SFT2D2: variants seen among roughly 807,000 people sequenced by gnomAD.
SFT2D2 encodes vesicle transport protein SFT2B.
A neutral mutation model predicts 27.4 loss-of-function variants in SFT2D2; 21 were observed. The observed-to-expected ratio is 0.77, with a 90% confidence interval of 0.54 to 1.10. SFT2D2 has a LOEUF of 1.10. Ranked by LOEUF, SFT2D2 falls within the 50% of genes least tolerant of loss-of-function variation. The pLI is 0.00. For missense variants in SFT2D2, 187 were observed against 194.2 expected (o/e 0.96, Z 0.22); for synonymous variants, 72 against 71.7 (o/e 1.00, Z -0.02).
At chr1:168,227,491 C>T (rs1360496108) in intron 1 of SFT2D2, among the ~76,000 whole-genome samples, 2 of 152,188 alleles carry the variant, frequency 1.3e-5, no homozygotes, top group Non-Finnish European at 2.9e-5. Flanking sequence ...TGAATCTTCA[C>T]CTTGAGGGAG....
At chr1:168,238,512 C>CAA in intron 6 of SFT2D2, among the ~76,000 whole-genome samples, 1 of 149,766 alleles carries the variant, frequency 6.7e-6, no homozygotes, top group Admixed American at 6.7e-5. Flanking sequence ...AACAAACAAA[C>CAA]AAAAAAAAAC....
At position 168,242,625 on chromosome 1, in the gene SFT2D2, C is replaced by A; in HGVS notation, c.*85C>A. The A allele has an allele frequency of 1.3e-6, 2 of 1,492,614 alleles. No homozygotes were observed. The highest frequency in any genetic ancestry group is 1.1e-5 in the South Asian group (1 of 88,526). The allele number at this position is 1,492,614 out of a possible 1,614,324, so 92.5% of individuals were successfully genotyped here. A position where few individuals can be genotyped will look rare whatever the true frequency, so the allele number is the denominator to read the frequency against. On this transcript the variant is annotated 3_prime_UTR_variant, in exon 8 of 8. Transcript: ENST00000271375. ...TTGTAACTATCTTCGAAACCTCTGT[C>A]TTACAGACATGTGCCTTTTATCTTG...
chr1:168,229,127 A>G (rs16860204), intron 1 of SFT2D2, among the ~76,000 whole-genome samples: 2 of 152,070 alleles, frequency 1.3e-5, no homozygotes, highest in Non-Finnish European at 1.5e-5. Flanking sequence ...AGACTTGGAT[A>G]TGGAGTGTCA....
intron 7 of SFT2D2, 74 bp downstream of exon 7, chr1:168,239,234 TTTTA>T (rs1647583875): frequency 8.7e-7 from 1 of 1,148,276 alleles, no homozygotes; most frequent in African/African-American, 1.5e-5. Context: ...GTATAGCCTA[TTTTA>T]TTTATCTTTA....
chr1:168,237,771 G>A (rs953484239), intron 6 of SFT2D2, among the ~76,000 whole-genome samples: 1 of 151,858 alleles, frequency 6.6e-6, no homozygotes, highest in Non-Finnish European at 1.5e-5. Flanking sequence ...AATTTACTGT[G>A]TTGACAAGTA....
Position 168,246,488 on chromosome 1 carries a change from G to A in SFT2D2, c.*3948G>A. 7.0e-7 allele frequency: 1 copy of A among 1,419,260 alleles called. No individual in the cohort carries two copies. The highest frequency in any genetic ancestry group is 9.5e-7 in the Non-Finnish European group (1 of 1,048,192). 87.9% of individuals were successfully genotyped at this position (1,419,260 alleles called of 1,614,324 possible). Reference sequence around the variant, plus strand: ...TCAAAAACCAAAGCGTTTTCTTTCAGAGCCTCTCTTGTGTTATGGAGCTCA... The same window carrying A: ...TCAAAAACCAAAGCGTTTTCTTTCAAAGCCTCTCTTGTGTTATGGAGCTCA... On this transcript the variant is annotated 3_prime_UTR_variant, in exon 8 of 8. Transcript: ENST00000271375.
At chr1:168,226,486 G>A (rs367964253) in intron 1 of SFT2D2, among the ~76,000 whole-genome samples, 3 of 152,178 alleles carry the variant, frequency 2.0e-5, no homozygotes, top group East Asian at 1.9e-4. Context: ...GTAGGGCTGG[G>A]GGCCCCGAGG....
chr1:168,230,672 G>A (rs531332584), intron 1 of SFT2D2, among the ~76,000 whole-genome samples: 4 of 152,148 alleles, frequency 2.6e-5, no homozygotes, highest in African/African-American at 9.6e-5. Context: ...ACAAGGTTTC[G>A]CCATGTTGGT....
At chr1:168,234,463 G>A (rs2102330140) in intron 3 of SFT2D2, among the ~76,000 whole-genome samples, 1 of 151,670 alleles carries the variant, frequency 6.6e-6, no homozygotes, top group Admixed American at 6.5e-5. Flanking sequence ...GAATCCAATA[G>A]CTATAGAGTC....
chr1:168,247,292 C>T lies in SFT2D2; in HGVS notation c.*4752C>T, dbSNP rs375918943. On this transcript the variant is annotated 3_prime_UTR_variant, in exon 8 of 8. Transcript: ENST00000271375. ...ATGTGCAGAACATGCGGGTTTGTTA[C>T]ATAGGTATACATGTAATGTTATCCC... 4.2e-6 allele frequency: 1 copy of T among 237,046 alleles called. No individual in the cohort carries two copies. The highest frequency in any genetic ancestry group is 1.3e-4 in the East Asian group (1 of 7,506). 14.7% of individuals were successfully genotyped at this position (237,046 alleles called of 1,614,324 possible).
In SFT2D2 at chr1:168,245,744, G is replaced by A. The variant is rs1419672389; in HGVS notation, c.*3204G>A. Reference sequence around the variant, plus strand: ...TACAGAGGATCCAGATTTAAATTCAGAAGAAGCTTCATCTATTTCTGTAGT... The same window carrying A: ...TACAGAGGATCCAGATTTAAATTCAAAAGAAGCTTCATCTATTTCTGTAGT... On this transcript the variant is annotated 3_prime_UTR_variant, in exon 8 of 8. Coordinates refer to ENST00000271375, the MANE Select transcript of SFT2D2 (RefSeq NM_199344.3). The A allele has an allele frequency of 6.6e-6, 1 of 152,588 alleles. No homozygotes were observed. The highest frequency in any genetic ancestry group is 1.5e-5 in the Non-Finnish European group (1 of 68,406). 9.5% of individuals were successfully genotyped at this position (152,588 alleles called of 1,614,324 possible). A position where few individuals can be genotyped will look rare whatever the true frequency, so the allele number is the denominator to read the frequency against.
Position 168,246,468 on chromosome 1 carries a change from A to G in SFT2D2, c.*3928A>G. On this transcript the variant is annotated 3_prime_UTR_variant, in exon 8 of 8. Transcript: ENST00000271375. ...TTAGCTCTCTTTGTATGTGTTCAAAAACCAAAGCGTTTTCTTTCAGAGCCT... is the reference window on the plus strand; with the variant it reads ...TTAGCTCTCTTTGTATGTGTTCAAAGACCAAAGCGTTTTCTTTCAGAGCCT... 3.7e-6 allele frequency: 5 copies of G among 1,355,140 alleles called. 1 individual carries two copies. The highest frequency in any genetic ancestry group is 2.6e-5 in the South Asian group (2 of 77,478). The allele number at this position is 1,355,140 out of a possible 1,614,324, so 83.9% of individuals were successfully genotyped here. A position where few individuals can be genotyped will look rare whatever the true frequency, so the allele number is the denominator to read the frequency against.
intron 4 of SFT2D2, among the ~76,000 whole-genome samples, chr1:168,236,197 AC>A (rs1647494204): frequency 1.3e-5 from 2 of 152,322 alleles, no homozygotes; most frequent in Admixed American, 6.5e-5. Flanking sequence ...TCTCAGGTTA[AC>A]CTTTGTCCTC....
At chr1:168,238,572 T>C (rs1647565418) in intron 6 of SFT2D2, among the ~76,000 whole-genome samples, 1 of 152,028 alleles carries the variant, frequency 6.6e-6, no homozygotes, top group Non-Finnish European at 1.5e-5. Flanking sequence ...TCCCAGCAAT[T>C]CTGGAGGCTG....
At chr1:168,238,994 C>G (rs180757927) in intron 6 of SFT2D2, 137 bp from the exon 7 acceptor site, 31 of 709,660 alleles carry the variant, frequency 4.4e-5, no homozygotes, top group African/African-American at 3.9e-4. Flanking sequence ...TGTGCACATG[C>G]TCATCCCCCA....
In SFT2D2 at chr1:168,231,537, C is replaced by T; in HGVS notation, c.87C>T (p.Ser29=). 2 of 1,613,628 alleles carry T rather than the reference C, an allele frequency of 1.2e-6. No homozygotes were observed. The highest frequency in any genetic ancestry group is 1.7e-6 in the Non-Finnish European group (2 of 1,179,924). The part of the protein sequence containing the change: ...LSEVVEASSL[S]WSTRIKGFIA... ...AGGTTGTTGAGGCATCTTCATTAAG[C>T]TGGAGTACCAGGATAAAAGGCTTCA... Residue 29 remains serine (S), a synonymous_variant, in exon 2 of 8, where the codon AGC becomes AGT. Coordinates refer to ENST00000271375, the MANE Select transcript of SFT2D2 (RefSeq NM_199344.3).
rs1209707831 is a variant in SFT2D2 at position 168,250,619 on chromosome 1, A to C, written c.*8079A>C. On this transcript the variant is annotated 3_prime_UTR_variant, in exon 8 of 8. Coordinates refer to ENST00000271375, the MANE Select transcript of SFT2D2 (RefSeq NM_199344.3). ...GAGGAGCACTGCCCTTCAGAACAGAAGAGATGGCTTCCAGTCCCCTCTCCC... is the reference window on the plus strand; with the variant it reads ...GAGGAGCACTGCCCTTCAGAACAGACGAGATGGCTTCCAGTCCCCTCTCCC... The C allele has an allele frequency of 2.0e-5, 3 of 153,306 alleles. No individual in the cohort carries two copies. The highest frequency in any genetic ancestry group is 6.5e-5 in the Admixed American group (1 of 15,284). The allele number at this position is 153,306 out of a possible 1,614,324, so 9.5% of individuals were successfully genotyped here.
intron 4 of SFT2D2, 149 bp from the exon 5 acceptor site, chr1:168,236,440 A>G (rs1265939090): frequency 1.8e-5 from 12 of 673,238 alleles, no homozygotes; most frequent in African/African-American, 3.6e-5. Context: ...ATTTTTAACT[A>G]TTCTGCCAAA....
intron 6 of SFT2D2, among the ~76,000 whole-genome samples, chr1:168,238,705 A>AAAAT (rs1215924179): frequency 1.3e-5 from 2 of 151,946 alleles, no homozygotes; most frequent in African/African-American, 2.4e-5. Flanking sequence ...CTCAAAAAAA[A>AAAAT]AAATAAATAA....
Sources: gnomAD v4.1 joint callset for allele counts (sites outside exome capture counted in the v4.1 genomes callset) on GRCh38, gnomAD v4.1.1 for gene constraint, MANE v1.5 for transcripts, NCBI Gene and HGNC (gene_info 2026-07-23, HGNC 2026-07-21) for gene names.